Variants in ATP2B2 observed in about 807,000 individuals in gnomAD.
The protein encoded by ATP2B2 is plasma membrane calcium-transporting ATPase 2.
In ATP2B2, 15 loss-of-function variants were observed where a neutral mutation model predicts 120.0. The ratio of observed to expected loss-of-function variants is 0.12; its 90% CI spans 0.08 to 0.19. The LOEUF is 0.19. Among genes scored for constraint, ATP2B2 ranks in the 10% least tolerant of loss-of-function variants. The pLI is 1.00. For synonymous variants in ATP2B2, 694 were observed against 700.3 expected (o/e 0.99, Z 0.14); for missense variants, 1,045 against 1,719.8 (o/e 0.61, Z 6.94).
rs754299721 is a variant in ATP2B2 at position 10,350,203 on chromosome 3, G to C, written c.2317-4C>G. On this transcript the variant is annotated splice_polypyrimidine_tract_variant and splice_region_variant and intron_variant, in intron 15 of 22. Coordinates refer to ENST00000360273, the MANE Select transcript of ATP2B2 (RefSeq NM_001001331.4). ...TGTCAATTCGCTCCTGCTCAATCTGGAGAGGGATGGGGAAGGGGGCGGGTC... is the reference window on the plus strand; with the variant it reads ...TGTCAATTCGCTCCTGCTCAATCTGCAGAGGGATGGGGAAGGGGGCGGGTC... 2.0e-6 allele frequency: 3 copies of C among 1,479,692 alleles called. No homozygotes were observed. Among genetic ancestry groups the C allele is most frequent in the African/African-American group, 2.8e-5 (2 of 71,422 alleles). The allele number at this position is 1,479,692 out of a possible 1,614,324, so 91.7% of individuals were successfully genotyped here.
intron 2 of ATP2B2, among the ~76,000 whole-genome samples, chr3:10,588,730 G>A (rs372240391): frequency 1.2e-4 from 19 of 152,060 alleles, no homozygotes; most frequent in African/African-American, 2.2e-4. Flanking sequence ...ACTATTTCAC[G>A]GAGTCTCTAC....
intron 2 of ATP2B2, among the ~76,000 whole-genome samples, chr3:10,609,800 A>G (rs2069180237): frequency 1.3e-5 from 2 of 152,102 alleles, no homozygotes. Context: ...TGTCATCCTA[A>G]GGGGCTGGGG....
intron 2 of ATP2B2, among the ~76,000 whole-genome samples, chr3:10,419,870 C>A (rs908509620): frequency 2.0e-5 from 3 of 152,206 alleles, no homozygotes; most frequent in African/African-American, 4.8e-5. Flanking sequence ...TCTGGTGAAG[C>A]CAATGTGAAT....
chr3:10,507,464 G>A (rs2066666779), upstream of ATP2B2, among the ~76,000 whole-genome samples: 1 of 152,066 alleles, frequency 6.6e-6, no homozygotes, highest in Non-Finnish European at 1.5e-5. Context: ...CAGGCTCTCC[G>A]TTCCCCAAAA....
chr3:10,379,031 G>A (rs935448441), intron 9 of ATP2B2, among the ~76,000 whole-genome samples: 4 of 152,150 alleles, frequency 2.6e-5, no homozygotes, highest in African/African-American at 9.7e-5. Flanking sequence ...GGAGATGCTG[G>A]CCCATGGGTA....
intron 1 of ATP2B2, among the ~76,000 whole-genome samples, chr3:10,674,315 G>C (rs1486781637): frequency 2.0e-5 from 3 of 152,238 alleles, no homozygotes; most frequent in Non-Finnish European, 2.9e-5. Context: ...CTGAGAAACA[G>C]AGGGAGAGAA....
intron 2 of ATP2B2, among the ~76,000 whole-genome samples, chr3:10,605,928 C>T (rs962401439): frequency 2.6e-5 from 4 of 152,086 alleles, no homozygotes; most frequent in East Asian, 1.9e-4. Context: ...TGATTACAGG[C>T]GTGAGCCACC....
chr3:10,575,199 A>C (rs1052371352), intron 2 of ATP2B2, among the ~76,000 whole-genome samples: 2 of 152,176 alleles, frequency 1.3e-5, no homozygotes, highest in African/African-American at 2.4e-5. Context: ...AGGCTCCAGC[A>C]CCAGAAAAAG....
intron 2 of ATP2B2, among the ~76,000 whole-genome samples, chr3:10,423,477 T>C (rs1336112547): frequency 6.6e-6 from 1 of 152,184 alleles, no homozygotes; most frequent in Admixed American, 6.5e-5. Context: ...AATGGAGCCT[T>C]ACTACACACA....
chr3:10,695,951 G>A (rs1462384054), intron 1 of ATP2B2, among the ~76,000 whole-genome samples: 1 of 152,156 alleles, frequency 6.6e-6, no homozygotes, highest in Non-Finnish European at 1.5e-5. Context: ...TGTCTTGGTT[G>A]CAACATACAA....
intron 12 of ATP2B2, among the ~76,000 whole-genome samples, chr3:10,361,707 T>G (rs571477909): frequency 6.6e-6 from 1 of 152,230 alleles, no homozygotes; most frequent in African/African-American, 2.4e-5. Flanking sequence ...CCAGGCAAAC[T>G]TCCTCTTGTC....
chr3:10,571,640 G>A (rs1358851175), intron 2 of ATP2B2, among the ~76,000 whole-genome samples: 3 of 152,246 alleles, frequency 2.0e-5, no homozygotes, highest in African/African-American at 7.2e-5. Context: ...TGAACGCCAA[G>A]CTCAAAGCTT....
intron 1 of ATP2B2, among the ~76,000 whole-genome samples, chr3:10,683,297 G>T (rs1055572647): frequency 6.6e-6 from 1 of 152,014 alleles, no homozygotes; most frequent in Non-Finnish European, 1.5e-5. Flanking sequence ...CAATCCTTTG[G>T]ATGAGTCACA....
chr3:10,528,481 A>G (rs1022448629), intron 3 of ATP2B2, among the ~76,000 whole-genome samples: 4 of 152,182 alleles, frequency 2.6e-5, no homozygotes, highest in African/African-American at 9.7e-5. Context: ...TTCTCTTCAT[A>G]GAGAAACAGG....
chr3:10,490,092 C>T (rs2065877924), intron 1 of ATP2B2, among the ~76,000 whole-genome samples: 1 of 152,216 alleles, frequency 6.6e-6, no homozygotes, highest in Non-Finnish European at 1.5e-5. Flanking sequence ...TTGAGGTTGC[C>T]CCCTGACAGC....
intron 1 of ATP2B2, among the ~76,000 whole-genome samples, chr3:10,463,258 C>G (rs2125244043): frequency 6.6e-6 from 1 of 152,274 alleles, no homozygotes; most frequent in South Asian, 2.1e-4. Flanking sequence ...CTGAGCTCCC[C>G]AGGAACAGGG....
intron 2 of ATP2B2, among the ~76,000 whole-genome samples, chr3:10,443,053 T>G (rs902180000): frequency 2.6e-5 from 4 of 152,234 alleles, no homozygotes; most frequent in Non-Finnish European, 4.4e-5. Flanking sequence ...CCAGTCAGCC[T>G]GGACGGTCCC....
intron 2 of ATP2B2, among the ~76,000 whole-genome samples, chr3:10,564,847 G>T (rs536286539): frequency 1.3e-5 from 2 of 152,220 alleles, no homozygotes; most frequent in South Asian, 4.1e-4. Flanking sequence ...ATTTCCTATT[G>T]TTCTCTCAAA....
chr3:10,650,136 A>G (rs1014459295), intron 1 of ATP2B2, among the ~76,000 whole-genome samples: 1 of 152,268 alleles, frequency 6.6e-6, no homozygotes, highest in Non-Finnish European at 1.5e-5. Flanking sequence ...AGACAAGAAA[A>G]TGTGGGAAAG....
Sources: gnomAD v4.1 joint callset for allele counts (sites outside exome capture counted in the v4.1 genomes callset) on GRCh38, gnomAD v4.1.1 for gene constraint, MANE v1.5 for transcripts, NCBI Gene and HGNC (gene_info 2026-07-23, HGNC 2026-07-21) for gene names.